EPHB1: variants seen among roughly 807,000 people sequenced by gnomAD.
EPHB1 encodes the protein ephrin type-B receptor 1.
In EPHB1, 30 loss-of-function variants were observed where a neutral mutation model predicts 94.4. The observed-to-expected ratio is 0.32, with a 90% CI of 0.24 to 0.43. EPHB1 has a LOEUF of 0.43. EPHB1 is among the 20% of genes least tolerant of loss of function. The probability of loss-of-function intolerance (pLI) is 1.00; values close to 1 mark genes in which losing one functional copy is unlikely to be tolerated. For missense variants in EPHB1, 1,055 were observed against 1,308.3 expected (o/e 0.81, Z 2.99); for synonymous variants, 522 against 489.1 (o/e 1.07, Z -0.89).
At chr3:135,256,196 T>C (rs1933376651) in intron 15 of EPHB1, among the ~76,000 whole-genome samples, 1 of 152,212 alleles carries the variant, frequency 6.6e-6, no homozygotes, top group Non-Finnish European at 1.5e-5. Context: ...TGTCTTTTAA[T>C]TGGAGCATTT....
At chr3:135,187,275 C>T (rs776926983) in intron 10 of EPHB1, among the ~76,000 whole-genome samples, 14 of 152,244 alleles carry the variant, frequency 9.2e-5, no homozygotes, top group Admixed American at 4.6e-4. Context: ...ACCACAACCA[C>T]TCCCCAGCAC....
At chr3:134,963,146 C>CTTCT (rs1933592261) in intron 3 of EPHB1, among the ~76,000 whole-genome samples, 1 of 101,228 alleles carries the variant, frequency 9.9e-6, no homozygotes, top group African/African-American at 9.2e-5. Flanking sequence ...TCCTTCCTTC[C>CTTCT]TTCCTTCCTT....
At chr3:135,117,607 G>T (rs1256776702) in intron 4 of EPHB1, among the ~76,000 whole-genome samples, 1 of 152,234 alleles carries the variant, frequency 6.6e-6, no homozygotes, top group Non-Finnish European at 1.5e-5. Flanking sequence ...TCTTCAAGAG[G>T]CTGAAGGATA....
chr3:134,825,496 G>T (rs59205084), intron 1 of EPHB1, among the ~76,000 whole-genome samples: 8,849 of 152,274 alleles, frequency 0.058, 708 homozygotes, highest in African/African-American at 0.19. Context: ...TCCCACAGGG[G>T]ATGCTGCTTC....
At chr3:134,998,435 T>C (rs1935063783) in intron 3 of EPHB1, among the ~76,000 whole-genome samples, 1 of 152,188 alleles carries the variant, frequency 6.6e-6, no homozygotes. Context: ...AGCTGGACTT[T>C]ATTACCTTTT....
intron 1 of EPHB1, among the ~76,000 whole-genome samples, chr3:134,817,159 C>T (rs2036288257): frequency 6.6e-6 from 1 of 152,018 alleles, no homozygotes. Flanking sequence ...ATTCTGTAAA[C>T]CATGGACTAT....
intron 3 of EPHB1, among the ~76,000 whole-genome samples, chr3:135,017,417 TGA>T (rs567341252): frequency 1.3e-5 from 2 of 152,042 alleles, no homozygotes; most frequent in East Asian, 1.9e-4. Flanking sequence ...CGTGTGTGAG[TGA>T]GAGAGAGAAT....
intron 1 of EPHB1, among the ~76,000 whole-genome samples, chr3:134,845,573 G>C: frequency 6.6e-6 from 1 of 151,996 alleles, no homozygotes; most frequent in Non-Finnish European, 1.5e-5. Flanking sequence ...ATGCCTCTTT[G>C]CCGTGGCTTC....
chr3:135,164,574 C>T (rs1002958433), intron 7 of EPHB1, among the ~76,000 whole-genome samples: 12 of 151,952 alleles, frequency 7.9e-5, no homozygotes, highest in African/African-American at 2.4e-4. Flanking sequence ...TTTGGGAGGC[C>T]GAGACAGGTG....
At chr3:135,035,914 G>T (rs980413416) in intron 3 of EPHB1, among the ~76,000 whole-genome samples, 1 of 152,198 alleles carries the variant, frequency 6.6e-6, no homozygotes, top group African/African-American at 2.4e-5. Context: ...ATTTGCCGAA[G>T]CATCTGGTCT....
intron 3 of EPHB1, among the ~76,000 whole-genome samples, chr3:135,059,909 C>G (rs142440989): frequency 6.6e-5 from 10 of 152,264 alleles, no homozygotes; most frequent in Non-Finnish European, 1.0e-4. Flanking sequence ...GCCACTGATG[C>G]TCAGATACAG....
intron 5 of EPHB1, among the ~76,000 whole-genome samples, chr3:135,142,551 G>A (rs1488931866): frequency 6.6e-6 from 1 of 152,228 alleles, no homozygotes; most frequent in Non-Finnish European, 1.5e-5. Flanking sequence ...GAAGGCAGAT[G>A]CATTGGGTGG....
intron 12 of EPHB1, among the ~76,000 whole-genome samples, chr3:135,212,364 C>A (rs1233654662): frequency 6.6e-6 from 1 of 152,082 alleles, no homozygotes; most frequent in Non-Finnish European, 1.5e-5. Flanking sequence ...CTTTATACAT[C>A]TAGAAGTTTG....
chr3:135,121,870 A>G (rs1377335849), intron 4 of EPHB1, among the ~76,000 whole-genome samples: 1 of 151,690 alleles, frequency 6.6e-6, no homozygotes, highest in Non-Finnish European at 1.5e-5. Flanking sequence ...AAGTGAATAG[A>G]TGGAAAGGGA....
chr3:134,882,814 C>CTTTCTTTTCTTTCTTTCTTTCT (rs1553861955), intron 1 of EPHB1, among the ~76,000 whole-genome samples: 1 of 93,136 alleles, frequency 1.1e-5, no homozygotes, highest in African/African-American at 4.1e-5. Flanking sequence ...TTCTTTCTTT[C>CTTTCTTTTCTTTCTTTCTTTCT]TTTCTTTCTT....
In EPHB1 at chr3:135,201,563, T is replaced by C; in HGVS notation, c.2220T>C (p.Tyr740=). 6.2e-7 allele frequency: 1 copy of C among 1,614,038 alleles called. No homozygotes were observed. Among genetic ancestry groups the C allele is most frequent in the African/African-American group, 1.3e-5 (1 of 75,012 alleles). ...AGMKYLAEMN[Y]VHRDLAARNI... is the part of the protein sequence containing the mutation. ...TGAAGTACCTGGCTGAGATGAATTATGTGCATCGGGACCTGGCTGCTAGGA... is the reference window on the plus strand; with the variant it reads ...TGAAGTACCTGGCTGAGATGAATTACGTGCATCGGGACCTGGCTGCTAGGA... The change falls in exon 12 of 16, where the codon TAT becomes TAC. Residue 740 remains tyrosine (Y), a synonymous_variant. Transcript: ENST00000398015.
At chr3:135,176,848 T>C (rs1941993017) in intron 9 of EPHB1, among the ~76,000 whole-genome samples, 2 of 152,222 alleles carry the variant, frequency 1.3e-5, no homozygotes, top group African/African-American at 4.8e-5. Context: ...TTAATTTCCA[T>C]GGAAGAGTTC....
At chr3:135,048,730 G>C (rs1195173305) in intron 3 of EPHB1, among the ~76,000 whole-genome samples, 1 of 152,224 alleles carries the variant, frequency 6.6e-6, no homozygotes, top group Non-Finnish European at 1.5e-5. Flanking sequence ...CCATGTTCCT[G>C]GGTCTACCTC....
chr3:134,806,641 A>G (rs950593950), intron 1 of EPHB1, among the ~76,000 whole-genome samples: 1 of 152,204 alleles, frequency 6.6e-6, no homozygotes, highest in Non-Finnish European at 1.5e-5. Context: ...GTAGGAGAAC[A>G]ATGGTTTAGA....
Sources: allele counts gnomAD v4.1 joint callset (sites outside exome capture counted in the v4.1 genomes callset), GRCh38; gene constraint gnomAD v4.1.1; transcripts MANE v1.5; gene names NCBI Gene and HGNC (gene_info 2026-07-23, HGNC 2026-07-21).